Variants in WDR35 observed in about 807,000 individuals in gnomAD.
WDR35 encodes WD repeat domain 35.
In WDR35, 118 loss-of-function variants were observed where a neutral mutation model predicts 158.3. The ratio of observed to expected loss-of-function variants is 0.75; its 90% CI spans 0.64 to 0.87. WDR35 has a LOEUF of 0.87. Ranked by LOEUF, WDR35 falls within the 40% of genes least tolerant of loss-of-function variation. The probability of loss-of-function intolerance (pLI) is 0.00; values close to 1 mark genes in which losing one functional copy is unlikely to be tolerated. For missense variants in WDR35, 1,263 were observed against 1,405.8 expected, an observed-to-expected ratio of 0.90 and a Z score of 1.62; for synonymous variants, 448 against 476.1, an observed-to-expected ratio of 0.94 and a Z score of 0.77.
chr2:19,947,223 T>C (rs1231103674), intron 14 of WDR35, among the ~76,000 whole-genome samples: 2 of 152,244 alleles, frequency 1.3e-5, no homozygotes, highest in Non-Finnish European at 2.9e-5. Flanking sequence ...CCTCAGGCCA[T>C]GGCAGTGGGA....
intron 16 of WDR35, 133 bp from the exon 17 acceptor site, chr2:19,941,972 A>C (rs1394056908): frequency 4.9e-6 from 3 of 618,406 alleles, no homozygotes; most frequent in Non-Finnish European, 2.9e-6. Flanking sequence ...CCATATACCC[A>C]TAACCTAAAT....
chr2:19,919,754 T>C (rs531537183), intron 25 of WDR35, among the ~76,000 whole-genome samples: 137 of 151,738 alleles, frequency 9.0e-4, no homozygotes, highest in African/African-American at 3.2e-3. Flanking sequence ...CTGAAGGAGA[T>C]AGAGACACAA....
chr2:19,922,850 C>T (rs1670220906), intron 25 of WDR35, among the ~76,000 whole-genome samples: 1 of 152,136 alleles, frequency 6.6e-6, no homozygotes, highest in Admixed American at 6.5e-5. Flanking sequence ...GCCATAACAC[C>T]CACGCTGGAA....
At chr2:19,969,656 C>G (rs1671971916) in intron 8 of WDR35, 51 bp from the exon 9 acceptor site, 1 of 1,575,992 alleles carries the variant, frequency 6.3e-7, no homozygotes, top group Non-Finnish European at 8.7e-7. Context: ...AACTGAAATA[C>G]AAATTACCAC....
rs202223893 is a variant in WDR35, at chr2:19,913,683, C to A, written c.3388G>T (p.Val1130Phe). 6 of 1,613,958 alleles carry A rather than the reference C, an allele frequency of 3.7e-6. No homozygotes were observed. The highest frequency in any genetic ancestry group is 4.2e-6 in the Non-Finnish European group (5 of 1,179,956). The part of the protein sequence containing the change: ...EGGEGKLPTC[V>F]ATGSPITEYQ... ...TCAGTGATTGGGCTTCCTGTGGCAA[C>A]GCATGTTGGCAGTTTCCCTTCTCCA... Residue 1130 changes from valine to phenylalanine, a missense_variant, in exon 27 of 27, where the codon GTT (valine) becomes TTT (phenylalanine). By Grantham distance (50) the Val-to-Phe change is conservative (BLOSUM62 -1). Transcript: ENST00000281405.
At position 19,936,378 on chromosome 2, in the gene WDR35, G is replaced by GCATT. The variant is rs556712620; in HGVS notation, c.2268-17_2268-14dup. On this transcript the variant is annotated splice_polypyrimidine_tract_variant and intron_variant, in intron 19 of 26. Transcript: ENST00000281405. ...AATAGCAAGATCCCTACAAACAAAG[G>GCATT]CATTCATTCATTCATTCATCTATTT... The GCATT allele has an allele frequency of 1.2e-5, 19 of 1,613,710 alleles. No individual in the cohort carries two copies. The highest frequency in any genetic ancestry group is 1.7e-4 in the Middle Eastern group (1 of 6,058).
intron 25 of WDR35, 102 bp from the exon 26 acceptor site, chr2:19,914,379 TGAAC>T (rs1479843984): frequency 2.0e-6 from 3 of 1,475,454 alleles, no homozygotes; most frequent in Non-Finnish European, 2.8e-6. Context: ...TGAACTTGCA[TGAAC>T]GAACTGAAAG....
chr2:19,941,697 G>A (rs774460481), intron 17 of WDR35, 62 bp downstream of exon 17: 206 of 1,231,042 alleles, frequency 1.7e-4, no homozygotes, highest in Middle Eastern at 3.9e-4. Context: ...ATACTACACC[G>A]CCTGGTCCAG....
chr2:19,922,010 C>T (rs923414711), intron 25 of WDR35, among the ~76,000 whole-genome samples: 2 of 152,116 alleles, frequency 1.3e-5, no homozygotes, highest in African/African-American at 2.4e-5. Flanking sequence ...AAATCAAAAC[C>T]ACAATGAGAT....
chr2:19,916,553 G>A (rs2103381185), intron 25 of WDR35, among the ~76,000 whole-genome samples: 1 of 152,354 alleles, frequency 6.6e-6, no homozygotes, highest in South Asian at 2.1e-4. Flanking sequence ...CTTGGTGGGG[G>A]AAGAGGCATC....
At chr2:19,971,668 A>G (rs943977078) in intron 8 of WDR35, among the ~76,000 whole-genome samples, 1 of 152,194 alleles carries the variant, frequency 6.6e-6, no homozygotes, top group Non-Finnish European at 1.5e-5. Context: ...TTAACCTAGG[A>G]GGGTCTGATC....
chr2:19,975,688 T>C, intron 5 of WDR35, 25 bp from the exon 6 acceptor site: 1 of 1,613,834 alleles, frequency 6.2e-7, no homozygotes, highest in African/African-American at 1.3e-5. Context: ...TATTAAAAGT[T>C]GTTCAAGGTC....
intron 2 of WDR35, among the ~76,000 whole-genome samples, chr2:19,985,981 A>G (rs1672554438): frequency 6.6e-6 from 1 of 151,480 alleles, no homozygotes; most frequent in Non-Finnish European, 1.5e-5. Flanking sequence ...AGACAATGGA[A>G]GGAGGGAAAC....
At chr2:19,969,158 T>C (rs1292537783) in intron 9 of WDR35, among the ~76,000 whole-genome samples, 1 of 152,234 alleles carries the variant, frequency 6.6e-6, no homozygotes, top group South Asian at 2.1e-4. Context: ...TGGCTTCTCA[T>C]TGACGCTAAT....
Position 19,974,600 on chromosome 2 carries a change from T to C in WDR35, c.604A>G (p.Thr202Ala). The change falls in exon 7 of 27, where the codon ACT (threonine) becomes GCT (alanine). Residue 202 changes from threonine (T) to alanine (A), a missense_variant. Coordinates refer to ENST00000281405, the MANE Select transcript of WDR35 (RefSeq NM_020779.4). ...KMKLSCLVNV[T>A]GAISIAGIHW... is the part of the protein sequence containing the mutation. Reference sequence around the variant, plus strand: ...ATTCCAGCAATGCTGATAGCTCCAGTGACATTCACCAAACAACTCAGTTTC... The same window carrying C: ...ATTCCAGCAATGCTGATAGCTCCAGCGACATTCACCAAACAACTCAGTTTC... 1.2e-6 allele frequency: 2 copies of C among 1,613,832 alleles called. No homozygotes were observed. Among genetic ancestry groups the C allele is most frequent in the Non-Finnish European group, 1.7e-6 (2 of 1,179,884 alleles).
rs1171652680 is a variant in WDR35 at position 19,975,985 on chromosome 2, T to C, written c.437-322A>G. ...ATTCCTCATTCCCATCTTCAACAAT[T>C]CAGAACATAACTGAGTCCATGCTTA... On this transcript the variant is annotated intron_variant, in intron 5 of 26. Coordinates refer to ENST00000281405, the MANE Select transcript of WDR35 (RefSeq NM_020779.4). 4.6e-5 allele frequency among the ~76,000 whole-genome samples: 7 copies of C among 152,136 alleles called. No individual in the cohort carries two copies. In the East Asian group the frequency reaches 1.3e-3, roughly 29 times the overall value.
intron 17 of WDR35, among the ~76,000 whole-genome samples, chr2:19,941,525 T>A (rs1216849963): frequency 6.6e-6 from 1 of 152,208 alleles, no homozygotes; most frequent in Non-Finnish European, 1.5e-5. Context: ...TATCTGTATT[T>A]TATAAAGGCA....
At chr2:19,962,287 T>C in intron 10 of WDR35, 1 of 1,613,218 alleles carries the variant, frequency 6.2e-7, no homozygotes, top group South Asian at 1.1e-5. Flanking sequence ...GCTAATTTCA[T>C]TTGTTACCGT....
chr2:19,984,042 CAT>C (rs771691341), intron 2 of WDR35, among the ~76,000 whole-genome samples: 1 of 25,056 alleles, frequency 4.0e-5, no homozygotes, highest in Admixed American at 3.7e-4. Flanking sequence ...TATATATATA[CAT>C]ATATACACAC....
Sources: gnomAD v4.1 joint callset for allele counts (sites outside exome capture counted in the v4.1 genomes callset) on GRCh38, gnomAD v4.1.1 for gene constraint, MANE v1.5 for transcripts, NCBI Gene and HGNC (gene_info 2026-07-23, HGNC 2026-07-21) for gene names.